Variants in FRMD1 observed in about 807,000 individuals in gnomAD.
FRMD1 encodes FERM domain-containing protein 1.
Under a neutral mutation model 54.9 loss-of-function variants are expected in FRMD1, and 51 were observed. The observed-to-expected ratio is 0.93, with a 90% CI of 0.74 to 1.17. The LOEUF (loss-of-function observed/expected upper bound fraction) is 1.17, where lower values mean the gene tolerates loss of function less well. FRMD1 is among the 50% of genes most tolerant of loss of function. The probability of loss-of-function intolerance (pLI) is 0.00; values close to 1 mark genes in which losing one functional copy is unlikely to be tolerated. For synonymous variants in FRMD1, 324 were observed against 306.4 expected (o/e 1.06, Z -0.60); for missense variants, 729 against 743.0 (o/e 0.98, Z 0.22).
intron 1 of FRMD1, among the ~76,000 whole-genome samples, chr6:168,091,145 C>T (rs1412944201): frequency 6.6e-6 from 1 of 152,200 alleles, no homozygotes; most frequent in Non-Finnish European, 1.5e-5. Flanking sequence ...AAAAGATAGC[C>T]CACACCTTCT....
intron 5 of FRMD1, among the ~76,000 whole-genome samples, chr6:168,064,664 C>T (rs1416349877): frequency 6.6e-6 from 1 of 152,244 alleles, no homozygotes; most frequent in East Asian, 1.9e-4. Flanking sequence ...CTCAGGGCCA[C>T]TCCTCCCACA....
chr6:168,073,761 G>A (rs1195842698), intron 2 of FRMD1, among the ~76,000 whole-genome samples: 2 of 152,068 alleles, frequency 1.3e-5, no homozygotes, highest in Non-Finnish European at 2.9e-5. Flanking sequence ...AAAATCTCAC[G>A]CTCCCTTCAC....
rs373337040 is a variant in FRMD1, at chr6:168,065,101, G to A, written c.462-44C>T. ...TGAGTTCCAGGACGACCGGTGTGGG[G>A]ACTGCTGGCCCCTCTGGCCCTGCCT... On this transcript the variant is annotated intron_variant, in intron 4 of 10. Coordinates refer to ENST00000283309, the MANE Select transcript of FRMD1 (RefSeq NM_024919.6). 1.9e-5 allele frequency: 30 copies of A among 1,562,302 alleles called. No homozygotes were observed. The African/African-American group carries it at 2.4e-4, about 13-fold the overall frequency.
intron 5 of FRMD1, 68 bp from the exon 6 acceptor site, chr6:168,063,824 G>C: frequency 6.7e-7 from 1 of 1,487,818 alleles, no homozygotes; most frequent in Non-Finnish European, 9.0e-7. Context: ...CCAGCCCCCT[G>C]CTCCGAGAAG....
intron 6 of FRMD1, among the ~76,000 whole-genome samples, chr6:168,063,170 C>T (rs1440302299): frequency 6.6e-6 from 1 of 152,220 alleles, no homozygotes; most frequent in Non-Finnish European, 1.5e-5. Context: ...GCCAGATAAA[C>T]ACCAGCCACG....
intron 2 of FRMD1, among the ~76,000 whole-genome samples, chr6:168,068,067 G>A (rs906894651): frequency 1.3e-4 from 20 of 152,244 alleles, no homozygotes; most frequent in Middle Eastern, 3.4e-3. Context: ...AGCTATGAAC[G>A]TGCCACTGCA....
At position 168,062,944 on chromosome 6, in the gene FRMD1, G is replaced by A. The variant is rs902393; in HGVS notation, c.820C>T (p.Arg274Cys). The A allele has an allele frequency of 0.074, 118,726 of 1,611,900 alleles. 4,418 individuals are homozygous for A. The highest frequency in any genetic ancestry group is 0.079 in the South Asian group (7,188 of 91,070). Residue 274 changes from arginine to cysteine, a missense_variant, in exon 7 of 11, where the codon CGT becomes TGT. Arg to Cys is a radical substitution (Grantham distance 180, BLOSUM62 -3). Coordinates refer to ENST00000283309, the MANE Select transcript of FRMD1 (RefSeq NM_024919.6). Reference protein sequence around the residue: ...FRLHKDKKEGRPTVILGLALR... With the variant: ...FRLHKDKKEGCPTVILGLALR... ...GCCAGTCCCAGGATCACGGTGGGAC[G>A]ACCTTCCTTCTTATCCTAGAGGACA... is the stretch of plus-strand genomic sequence containing the variant.
At chr6:168,075,102 T>TG in intron 2 of FRMD1, 143 bp downstream of exon 2, 1 of 698,296 alleles carries the variant, frequency 1.4e-6, no homozygotes, top group South Asian at 1.6e-5. Flanking sequence ...TAACTGTGCA[T>TG]TGTGCATGGT....
intron 1 of FRMD1, among the ~76,000 whole-genome samples, chr6:168,087,675 G>A (rs201280415): frequency 1.3e-5 from 2 of 152,372 alleles, no homozygotes; most frequent in East Asian, 3.9e-4. Context: ...TGTGGAGCAT[G>A]TGAGATGTGA....
intron 2 of FRMD1, among the ~76,000 whole-genome samples, chr6:168,074,515 G>A (rs1010179127): frequency 4.0e-5 from 6 of 150,270 alleles, no homozygotes; most frequent in Non-Finnish European, 7.4e-5. Context: ...GCATGTGTGT[G>A]GTGTATGTAT....
Position 168,053,943 on chromosome 6 carries a change from A to T in FRMD1, c.*3154T>A, listed in dbSNP as rs984469031. On this transcript the variant is annotated 3_prime_UTR_variant, in exon 11 of 11. Coordinates refer to ENST00000283309, the MANE Select transcript of FRMD1 (RefSeq NM_024919.6). ...TCAGGCCGTCAATTACTGCAGATGG[A>T]GCAGGCTTTCCTGGAGGAAGGATGA... The T allele has an allele frequency of 6.6e-6, 1 of 152,204 alleles. No individual in the cohort carries two copies. Among genetic ancestry groups the T allele is most frequent in the African/African-American group, 2.4e-5 (1 of 41,372 alleles). 9.4% of individuals were successfully genotyped at this position (152,204 alleles called of 1,614,324 possible).
intron 1 of FRMD1, among the ~76,000 whole-genome samples, chr6:168,077,334 G>C (rs1275776451): frequency 1.3e-5 from 2 of 151,370 alleles, no homozygotes; most frequent in Admixed American, 1.3e-4. Flanking sequence ...ACCCCAATGA[G>C]GGGTTCCTGT....
intron 1 of FRMD1, among the ~76,000 whole-genome samples, chr6:168,092,133 C>T (rs912292538): frequency 2.0e-5 from 3 of 152,236 alleles, no homozygotes; most frequent in Admixed American, 6.5e-5. Context: ...CCAGGGGCCT[C>T]GCCAAGGATG....
chr6:168,057,458 C>A, intron 10 of FRMD1, 119 bp from the exon 11 acceptor site: 1 of 1,465,272 alleles, frequency 6.8e-7, no homozygotes, highest in South Asian at 1.3e-5. Context: ...CACCCTGCGC[C>A]GCAGTGCATG....
rs564150461 is a variant in FRMD1 at position 168,064,256 on chromosome 6, C to T, written c.649-500G>A. Among the ~76,000 whole-genome samples, 6 of 152,320 alleles carry T rather than the reference C, an allele frequency of 3.9e-5. No individual in the cohort carries two copies. The South Asian group carries it at 1.0e-3, about 26-fold the overall frequency. On this transcript the variant is annotated intron_variant, in intron 5 of 10. Transcript: ENST00000283309. ...AAAGGTGAGAAGGCCCCAAGGTGCACAGGATAGAGAGGTACACAGGGATGA... is the reference window on the plus strand; with the variant it reads ...AAAGGTGAGAAGGCCCCAAGGTGCATAGGATAGAGAGGTACACAGGGATGA...
At chr6:168,083,669 G>A (rs1242484259), upstream of FRMD1, among the ~76,000 whole-genome samples, 4 of 152,198 alleles carry the variant, frequency 2.6e-5, no homozygotes, top group Non-Finnish European at 4.4e-5. Flanking sequence ...GAGACAGGGT[G>A]GCCAGTCCCA....
chr6:168,055,865 A>G lies in FRMD1; in HGVS notation c.*1232T>C, dbSNP rs926703251. 2.6e-5 allele frequency: 4 copies of G among 152,174 alleles called. No homozygotes were observed. The highest frequency in any genetic ancestry group is 4.4e-5 in the Non-Finnish European group (3 of 68,052). The allele number at this position is 152,174 out of a possible 1,614,324, so 9.4% of individuals were successfully genotyped here. A position where few individuals can be genotyped will look rare whatever the true frequency, so the allele number is the denominator to read the frequency against. ...GCACACACACGATTCCCTTTCACAG[A>G]AAGGAGAGGGTCCCCCTGGATGGAC... On this transcript the variant is annotated 3_prime_UTR_variant, in exon 11 of 11. Transcript: ENST00000283309.
upstream of FRMD1, among the ~76,000 whole-genome samples, chr6:168,080,620 G>A (rs2115024809): frequency 6.6e-6 from 1 of 152,260 alleles, no homozygotes; most frequent in South Asian, 2.1e-4. Flanking sequence ...AGGATGCCTG[G>A]GCGCAGGACA....
chr6:168,081,353 C>A, upstream of FRMD1: 1 of 1,528,926 alleles, frequency 6.5e-7, no homozygotes. Context: ...CTCTGAATGT[C>A]TTGTCTTCTC....
Sources: allele counts gnomAD v4.1 joint callset (sites outside exome capture counted in the v4.1 genomes callset), GRCh38; gene constraint gnomAD v4.1.1; transcripts MANE v1.5; gene names NCBI Gene and HGNC (gene_info 2026-07-23, HGNC 2026-07-21).